EXOC6B: variants seen among roughly 807,000 people sequenced by gnomAD.
EXOC6B encodes the protein exocyst complex component 6B.
Under a neutral mutation model 113.5 loss-of-function variants are expected in EXOC6B, and 54 were observed. The ratio of observed to expected loss-of-function variants is 0.48; its 90% CI spans 0.38 to 0.60. The LOEUF (loss-of-function observed/expected upper bound fraction) is 0.60. Among genes scored for constraint, EXOC6B ranks in the 20% least tolerant of loss-of-function variants. The pLI is 0.00. For synonymous variants in EXOC6B, 357 were observed against 339.0 expected (o/e 1.05, Z -0.58); for missense variants, 797 against 977.5 (o/e 0.82, Z 2.46).
At chr2:72,247,650 G>A (rs1277663269) in intron 20 of EXOC6B, among the ~76,000 whole-genome samples, 1 of 152,168 alleles carries the variant, frequency 6.6e-6, no homozygotes, top group Non-Finnish European at 1.5e-5. Flanking sequence ...GCTGAAGTTT[G>A]TAACTGCAAC....
At chr2:72,182,475 G>A (rs1008250942) in intron 21 of EXOC6B, among the ~76,000 whole-genome samples, 1 of 152,074 alleles carries the variant, frequency 6.6e-6, no homozygotes, top group African/African-American at 2.4e-5. Context: ...ATTAAGCCTT[G>A]CCTCTAATAA....
At chr2:72,241,248 G>C (rs1682291569) in intron 20 of EXOC6B, among the ~76,000 whole-genome samples, 1 of 152,130 alleles carries the variant, frequency 6.6e-6, no homozygotes. Context: ...GCCTTTGATG[G>C]GGTCCTCAAT....
At chr2:72,513,562 A>G (rs1436581696) in intron 10 of EXOC6B, among the ~76,000 whole-genome samples, 1 of 151,972 alleles carries the variant, frequency 6.6e-6, no homozygotes, top group Non-Finnish European at 1.5e-5. Context: ...ATGGAGGCAA[A>G]TTTTGTTATA....
chr2:72,526,082 T>C (rs913463988), intron 8 of EXOC6B, among the ~76,000 whole-genome samples: 3 of 152,104 alleles, frequency 2.0e-5, no homozygotes, highest in Non-Finnish European at 4.4e-5. Flanking sequence ...TCTTCTAAAC[T>C]GCTAAGGTAA....
At chr2:72,771,361 G>T (rs891142964) in intron 1 of EXOC6B, among the ~76,000 whole-genome samples, 1 of 151,994 alleles carries the variant, frequency 6.6e-6, no homozygotes, top group Non-Finnish European at 1.5e-5. Context: ...ATATATGCAT[G>T]CTTATTTTTC....
At chr2:72,566,495 C>T (rs1382518946) in intron 7 of EXOC6B, among the ~76,000 whole-genome samples, 1 of 152,082 alleles carries the variant, frequency 6.6e-6, no homozygotes, top group Non-Finnish European at 1.5e-5. Flanking sequence ...AAATATTAAG[C>T]TTCAAGCTTC....
intron 20 of EXOC6B, among the ~76,000 whole-genome samples, chr2:72,186,872 C>T (rs552869574): frequency 2.6e-5 from 4 of 152,266 alleles, no homozygotes; most frequent in South Asian, 4.1e-4. Context: ...TTTGGGGTGT[C>T]GCTTTTCTGG....
At chr2:72,607,914 C>A (rs1573478073) in intron 6 of EXOC6B, among the ~76,000 whole-genome samples, 2 of 151,858 alleles carry the variant, frequency 1.3e-5, no homozygotes, top group Middle Eastern at 3.4e-3. Context: ...AAAAGAATTC[C>A]AATTCACAGT....
intron 6 of EXOC6B, among the ~76,000 whole-genome samples, chr2:72,702,950 T>G (rs1383024974): frequency 5.3e-5 from 8 of 151,992 alleles, no homozygotes; most frequent in East Asian, 1.9e-4. Flanking sequence ...GTCAATTTTG[T>G]CTTTTGTTGC....
intron 1 of EXOC6B, among the ~76,000 whole-genome samples, chr2:72,804,371 A>G (rs1685462032): frequency 6.6e-6 from 1 of 152,220 alleles, no homozygotes; most frequent in Non-Finnish European, 1.5e-5. Flanking sequence ...CCTAGAGCGC[A>G]TAGGAAAATG....
intron 6 of EXOC6B, among the ~76,000 whole-genome samples, chr2:72,616,060 A>G (rs568105202): frequency 6.6e-6 from 1 of 152,290 alleles, no homozygotes; most frequent in South Asian, 2.1e-4. Context: ...ATACAGCTAT[A>G]CAAAATGTTT....
intron 6 of EXOC6B, among the ~76,000 whole-genome samples, chr2:72,686,659 T>C (rs1677109063): frequency 6.6e-6 from 1 of 152,170 alleles, no homozygotes; most frequent in African/African-American, 2.4e-5. Context: ...TTCTAAATTA[T>C]TTATGTTCAA....
intron 6 of EXOC6B, among the ~76,000 whole-genome samples, chr2:72,593,540 A>G (rs1324955442): frequency 6.6e-6 from 1 of 152,152 alleles, no homozygotes; most frequent in African/African-American, 2.4e-5. Flanking sequence ...AAGTGTTAGC[A>G]GAATAGAAAA....
chr2:72,822,383 G>GAAAA (rs1686631655), intron 1 of EXOC6B, among the ~76,000 whole-genome samples: 1 of 152,096 alleles, frequency 6.6e-6, no homozygotes, highest in Non-Finnish European at 1.5e-5. Flanking sequence ...CTTTATGTGT[G>GAAAA]GATATGCTTG....
intron 18 of EXOC6B, among the ~76,000 whole-genome samples, chr2:72,388,553 T>C (rs1425022965): frequency 6.6e-6 from 1 of 152,158 alleles, no homozygotes; most frequent in Non-Finnish European, 1.5e-5. Context: ...TAGACATCAA[T>C]TAAGTCAAGT....
At chr2:72,360,093 CTT>C (rs796338594) in intron 19 of EXOC6B, among the ~76,000 whole-genome samples, 1 of 146,884 alleles carries the variant, frequency 6.8e-6, no homozygotes, top group Non-Finnish European at 1.5e-5. Context: ...GCCTCAGATA[CTT>C]TTTTTTTTTT....
intron 20 of EXOC6B, among the ~76,000 whole-genome samples, chr2:72,253,167 A>G (rs1227022094): frequency 1.3e-5 from 2 of 152,220 alleles, no homozygotes; most frequent in African/African-American, 2.4e-5. Context: ...ACCAGTCACA[A>G]TGGCTATTAC....
intron 7 of EXOC6B, among the ~76,000 whole-genome samples, chr2:72,574,178 G>C (rs1468895041): frequency 6.6e-6 from 1 of 151,324 alleles, no homozygotes; most frequent in Non-Finnish European, 1.5e-5. Context: ...AAACTTAAAT[G>C]CTAAGGTTGT....
chr2:72,640,418 AG>A (rs1335878835), intron 6 of EXOC6B, among the ~76,000 whole-genome samples: 1 of 152,216 alleles, frequency 6.6e-6, no homozygotes, highest in Non-Finnish European at 1.5e-5. Flanking sequence ...ATAGGGAGAA[AG>A]GAACCAACTC....
Sources: allele counts gnomAD v4.1 joint callset (sites outside exome capture counted in the v4.1 genomes callset), GRCh38; gene constraint gnomAD v4.1.1; transcripts MANE v1.5; gene names NCBI Gene and HGNC (gene_info 2026-07-23, HGNC 2026-07-21).